The following TRIM59 variants were observed in gnomAD, a reference collection of about 807,000 sequenced individuals.
TRIM59 encodes the protein tripartite motif-containing protein 59.
In TRIM59, 14 loss-of-function variants were observed where a neutral mutation model predicts 32.2. The observed-to-expected ratio is 0.43, with a 90% CI of 0.29 to 0.68. The LOEUF is 0.68. Among genes scored for constraint, TRIM59 ranks in the 30% least tolerant of loss-of-function variants. The pLI is 0.15. For synonymous variants in TRIM59, 163 were observed against 155.1 expected (o/e 1.05, Z -0.38); for missense variants, 471 against 463.3 (o/e 1.02, Z -0.15).
intron 2 of TRIM59, among the ~76,000 whole-genome samples, chr3:160,441,476 A>C (rs1719237150): frequency 6.6e-6 from 1 of 152,146 alleles, no homozygotes; most frequent in Non-Finnish European, 1.5e-5. Context: ...CATTCAGGCC[A>C]GGTGCGGGGG....
chr3:160,436,569 C>T lies in TRIM59; in HGVS notation c.*1403G>A, dbSNP rs958563703. On this transcript the variant is annotated 3_prime_UTR_variant, in exon 3 of 3. Coordinates refer to ENST00000309784, the MANE Select transcript of TRIM59 (RefSeq NM_173084.3). Reference sequence around the variant, plus strand: ...ATCCCAGCATTTTGGGAGGCTGAGGCGAGTGGATCATGAGGTCAGGAGATA... The same window carrying T: ...ATCCCAGCATTTTGGGAGGCTGAGGTGAGTGGATCATGAGGTCAGGAGATA... The T allele has an allele frequency of 8.0e-5, 77 of 959,114 alleles. No individual in the cohort carries two copies. The Middle Eastern group carries it at 1.6e-3, about 20-fold the overall frequency. The allele number at this position is 959,114 out of a possible 1,614,324, so 59.4% of individuals were successfully genotyped here.
chr3:160,438,499 G>C lies in TRIM59; in HGVS notation c.685C>G (p.Arg229Gly), dbSNP rs771311464. 19 of 1,612,350 alleles carry C rather than the reference G, an allele frequency of 1.2e-5. No individual in the cohort carries two copies. In the Admixed American group the frequency reaches 3.2e-4, roughly 27 times the overall value. Residue 229 changes from arginine to glycine, a missense_variant, in exon 3 of 3, where the codon CGA becomes GGA. Arg to Gly is a moderately radical substitution (Grantham distance 125). Coordinates refer to ENST00000309784, the MANE Select transcript of TRIM59 (RefSeq NM_173084.3). ...TPQIERMKEIREQQLELMALT... is the reference protein window; with the variant it reads ...TPQIERMKEIGEQQLELMALT... The stretch of plus-strand genomic sequence containing the variant: ...GCCATTAATTCAAGCTGCTGCTCTC[G>C]TATTTCCTTCATTCTTTCAATTTGT...
Position 160,437,744 on chromosome 3 carries a change from T to C in TRIM59, c.*228A>G, listed in dbSNP as rs981527906. ...CATCATAAAGCCAATAAAAATGGGA[T>C]AGTGTATTACTTTTCAAATTGTTAC... On this transcript the variant is annotated 3_prime_UTR_variant, in exon 3 of 3. Transcript: ENST00000309784. 1 of 1,176,442 alleles carries C rather than the reference T, an allele frequency of 8.5e-7. No homozygotes were observed. Among genetic ancestry groups the C allele is most frequent in the African/African-American group, 1.6e-5 (1 of 63,180 alleles). 72.9% of individuals were successfully genotyped at this position (1,176,442 alleles called of 1,614,324 possible). A position where few individuals can be genotyped will look rare whatever the true frequency, so the allele number is the denominator to read the frequency against.
chr3:160,441,766 AAAAAAAG>A (rs1302238882), intron 2 of TRIM59, among the ~76,000 whole-genome samples: 17 of 151,006 alleles, frequency 1.1e-4, no homozygotes, highest in African/African-American at 3.2e-4. Flanking sequence ...AAAAAAAAAA[AAAAAAAG>A]AAAAAAGAAA....
chr3:160,448,150 CA>C (rs1719630230), intron 2 of TRIM59, among the ~76,000 whole-genome samples: 1 of 151,768 alleles, frequency 6.6e-6, no homozygotes, highest in Non-Finnish European at 1.5e-5. Context: ...AAACTAGAAA[CA>C]AAACAAAAAA....
At chr3:160,442,910 G>C (rs1260008500) in intron 2 of TRIM59, among the ~76,000 whole-genome samples, 1 of 152,118 alleles carries the variant, frequency 6.6e-6, no homozygotes, top group African/African-American at 2.4e-5. Context: ...TTGAAGCCAG[G>C]AGTTCAAGAC....
At chr3:160,447,144 A>G (rs76095714) in intron 2 of TRIM59, among the ~76,000 whole-genome samples, 5,153 of 152,246 alleles carry the variant, frequency 0.034, 253 homozygotes, top group African/African-American at 0.11. Flanking sequence ...ATTTTACACA[A>G]TAAAAAAAAA....
rs557840155 is a variant in TRIM59, at chr3:160,438,077, TAGAG to T, written c.1103_1106del (p.Ser368TyrfsTer14). On this transcript the variant is annotated frameshift_variant, in exon 3 of 3. Transcript: ENST00000309784. LOFTEE classifies it high-confidence loss of function. ...TGTTAGATAAACTTTGGTAAACAGATAGAGAGGCTTCAGAAAACCATATTAAAGT... is the reference window on the plus strand; with the variant it reads ...TGTTAGATAAACTTTGGTAAACAGATAGGCTTCAGAAAACCATATTAAAGT... 6.3e-4 allele frequency: 1,018 copies of T among 1,606,386 alleles called. No individual in the cohort carries two copies. Among genetic ancestry groups the T allele is most frequent in the Admixed American group, 7.1e-4 (42 of 59,270 alleles).
In TRIM59 at chr3:160,439,050, T is replaced by A. The variant is rs894009251; in HGVS notation, c.134A>T (p.Tyr45Phe). 1.4e-5 allele frequency: 22 copies of A among 1,587,566 alleles called. No individual in the cohort carries two copies. Among genetic ancestry groups the A allele is most frequent in the Non-Finnish European group, 1.9e-5 (22 of 1,167,582 alleles). ...ENILQASGNFYIWRPLRIPLK... is the reference protein window; with the variant it reads ...ENILQASGNFFIWRPLRIPLK... ...TGGAATTCGTAAAGGTCTCCATATA[T>A]AAAAGTTACCAGATGCCTGAAGAAT... Residue 45 changes from tyrosine to phenylalanine, a missense_variant, in exon 3 of 3, where the codon TAT (tyrosine) becomes TTT (phenylalanine). By Grantham distance (22) the Tyr-to-Phe change is conservative. Coordinates refer to ENST00000309784, the MANE Select transcript of TRIM59 (RefSeq NM_173084.3).
intron 2 of TRIM59, among the ~76,000 whole-genome samples, chr3:160,442,543 C>G (rs1719309055): frequency 6.6e-6 from 1 of 150,808 alleles, no homozygotes; most frequent in Admixed American, 6.6e-5. Flanking sequence ...GAGCAAGACT[C>G]TGTCTCAAAA....
At chr3:160,445,026 A>G (rs904967797) in intron 2 of TRIM59, among the ~76,000 whole-genome samples, 4 of 152,126 alleles carry the variant, frequency 2.6e-5, no homozygotes, top group African/African-American at 9.7e-5. Flanking sequence ...AAAAAATTAC[A>G]TGGGCAGAGC....
In TRIM59 at chr3:160,437,595, T is replaced by C; in HGVS notation, c.*377A>G. 1 of 988,852 alleles carries C rather than the reference T, an allele frequency of 1.0e-6. No individual in the cohort carries two copies. Among genetic ancestry groups the C allele is most frequent in the Non-Finnish European group, 1.2e-6 (1 of 832,342 alleles). The allele number at this position is 988,852 out of a possible 1,614,324, so 61.3% of individuals were successfully genotyped here. Reference sequence around the variant, plus strand: ...CAAGCCACATCAAAATAAAGGTATATGTTCTTTCAGGATTTTGCTATATAT... The same window carrying C: ...CAAGCCACATCAAAATAAAGGTATACGTTCTTTCAGGATTTTGCTATATAT... On this transcript the variant is annotated 3_prime_UTR_variant, in exon 3 of 3. Transcript: ENST00000309784.
At position 160,438,640 on chromosome 3, in the gene TRIM59, T is replaced by C. The variant is rs1355915197; in HGVS notation, c.544A>G (p.Lys182Glu). Residue 182 changes from lysine (K) to glutamate (E), a missense_variant, in exon 3 of 3, where the codon AAG becomes GAG. Transcript: ENST00000309784. ...SHSEKMIQGD[K>E]EAVLQYFKEL... ...TTAAAATACTGGAGAACAGCTTCCTTATCGCCTTGGATCATTTTCTCAGAA... is the reference window on the plus strand; with the variant it reads ...TTAAAATACTGGAGAACAGCTTCCTCATCGCCTTGGATCATTTTCTCAGAA... 3.7e-6 allele frequency: 6 copies of C among 1,613,032 alleles called. No individual in the cohort carries two copies. The highest frequency in any genetic ancestry group is 5.1e-6 in the Non-Finnish European group (6 of 1,179,738).
rs553738609 is a variant in TRIM59 at position 160,446,894 on chromosome 3, C to T, written c.-4+1832G>A. ...TGATGTGCGGTAGAACAGTTTTATC[C>T]CAAAACCATGCACCACCCACCCCCA... On this transcript the variant is annotated intron_variant, in intron 2 of 2. Coordinates refer to ENST00000309784, the MANE Select transcript of TRIM59 (RefSeq NM_173084.3). Among the ~76,000 whole-genome samples, 490 of 152,150 alleles carry T rather than the reference C, an allele frequency of 3.2e-3. 1 individual carries two copies. Among genetic ancestry groups the T allele is most frequent in the African/African-American group, 0.011 (458 of 41,512 alleles).
intron 2 of TRIM59, chr3:160,447,810 C>T (rs1719611395): frequency 1.3e-5 from 2 of 152,218 alleles, no homozygotes. Context: ...GGTGCCACCA[C>T]CCAAACTGGG....
chr3:160,435,706 T>C lies in TRIM59; in HGVS notation c.*2266A>G, dbSNP rs1390848275. ...AAAGTTCTCCTAAAAACTGGCAAGA[T>C]ACAAAATGTCAAATCTAAAATGATA... On this transcript the variant is annotated 3_prime_UTR_variant, in exon 3 of 3. Transcript: ENST00000309784. 3.9e-6 allele frequency: 1 copy of C among 255,602 alleles called. No homozygotes were observed. The allele number at this position is 255,602 out of a possible 1,614,324, so 15.8% of individuals were successfully genotyped here. A position where few individuals can be genotyped will look rare whatever the true frequency, so the allele number is the denominator to read the frequency against.
chr3:160,439,118 T>C lies in TRIM59; in HGVS notation c.66A>G (p.Val22=). The stretch of plus-strand genomic sequence containing the variant: ...TACAAAATGTATGAGAGCATGGCAG[T>C]ACACGAGGATCTTCAAAAATACTAT... The part of the protein sequence containing the change: ...ICYSIFEDPR[V]LPCSHTFCRN... Residue 22 remains valine, a synonymous_variant, in exon 3 of 3, where the codon GTA becomes GTG. Coordinates refer to ENST00000309784, the MANE Select transcript of TRIM59 (RefSeq NM_173084.3). The C allele has an allele frequency of 6.6e-7, 1 of 1,515,720 alleles. No homozygotes were observed. Among genetic ancestry groups the C allele is most frequent in the Non-Finnish European group, 8.8e-7 (1 of 1,133,282 alleles). The allele number at this position is 1,515,720 out of a possible 1,614,324, so 93.9% of individuals were successfully genotyped here.
intron 2 of TRIM59, among the ~76,000 whole-genome samples, chr3:160,443,202 A>C (rs1474783476): frequency 6.6e-6 from 1 of 152,258 alleles, no homozygotes; most frequent in East Asian, 1.9e-4. Context: ...TATGCAGCAG[A>C]AATTTTCCAC....
intron 2 of TRIM59, among the ~76,000 whole-genome samples, chr3:160,443,353 G>A (rs1719355288): frequency 6.6e-6 from 1 of 152,064 alleles, no homozygotes; most frequent in Non-Finnish European, 1.5e-5. Context: ...GAAACAATAA[G>A]ACAATGGAGT....
Sources: allele counts gnomAD v4.1 joint callset (sites outside exome capture counted in the v4.1 genomes callset), GRCh38; gene constraint gnomAD v4.1.1; transcripts MANE v1.5; gene names NCBI Gene and HGNC (gene_info 2026-07-23, HGNC 2026-07-21).